Variants in SPIRE1 observed in about 807,000 individuals in gnomAD.
SPIRE1 encodes protein spire homolog 1.
In SPIRE1, 40 loss-of-function variants were observed where a neutral mutation model predicts 94.1. The observed-to-expected ratio is 0.43, with a 90% confidence interval of 0.33 to 0.55. SPIRE1 has a LOEUF of 0.55. Ranked by LOEUF, SPIRE1 falls within the 20% of genes least tolerant of loss-of-function variation. SPIRE1 has a pLI of 0.06. For synonymous variants in SPIRE1, 376 were observed against 371.7 expected (o/e 1.01, Z -0.13); for missense variants, 838 against 975.2 (o/e 0.86, Z 1.87).
In SPIRE1 at chr18:12,506,537, G is replaced by A; in HGVS notation, c.912C>T (p.Thr304=). ...YNPLPIEYQL[T]PYEMLMDDIR... ...TGTCATCCATTAACATCTCATAAGG[G>A]GTGAGCTGATATTCAATGGGCAAAG... Residue 304 remains threonine, a synonymous_variant, in exon 6 of 17, where the codon ACC becomes ACT. Coordinates refer to ENST00000409402, the MANE Select transcript of SPIRE1 (RefSeq NM_001128626.2). 1 of 1,613,882 alleles carries A rather than the reference G, an allele frequency of 6.2e-7. No homozygotes were observed. The highest frequency in any genetic ancestry group is 8.5e-7 in the Non-Finnish European group (1 of 1,179,858).
chr18:12,551,792 A>C (rs539808570), intron 2 of SPIRE1, among the ~76,000 whole-genome samples: 34 of 152,262 alleles, frequency 2.2e-4, no homozygotes, highest in African/African-American at 6.3e-4. Flanking sequence ...AGGAACACCA[A>C]ATTTAACAAC....
At chr18:12,655,371 G>C (rs1221495611) in intron 1 of SPIRE1, among the ~76,000 whole-genome samples, 6 of 152,216 alleles carry the variant, frequency 3.9e-5, no homozygotes. Context: ...AAAATCTTCA[G>C]AAGACTGTAT....
At chr18:12,471,952 T>C (rs776985255) in intron 10 of SPIRE1, among the ~76,000 whole-genome samples, 1 of 151,898 alleles carries the variant, frequency 6.6e-6, no homozygotes. Flanking sequence ...ACCGGGCTAA[T>C]TTTTCTCTTT....
chr18:12,509,945 T>C (rs1015017910), intron 5 of SPIRE1, among the ~76,000 whole-genome samples: 8 of 151,618 alleles, frequency 5.3e-5, no homozygotes, highest in East Asian at 3.9e-4. Context: ...ATTAGCTGGG[T>C]GTGGTGGTGC....
chr18:12,602,204 T>TA (rs2036854470), intron 2 of SPIRE1, among the ~76,000 whole-genome samples: 1 of 152,084 alleles, frequency 6.6e-6, no homozygotes, highest in East Asian at 1.9e-4. Flanking sequence ...GACAGCAACA[T>TA]AAGAGATCAG....
intron 2 of SPIRE1, among the ~76,000 whole-genome samples, chr18:12,555,625 C>A (rs751341611): frequency 2.0e-5 from 3 of 152,148 alleles, no homozygotes; most frequent in Admixed American, 6.5e-5. Flanking sequence ...AACATCCCTT[C>A]ATGATAAAAA....
At chr18:12,484,795 C>A (rs964468306) in intron 9 of SPIRE1, among the ~76,000 whole-genome samples, 2 of 152,106 alleles carry the variant, frequency 1.3e-5, no homozygotes, top group African/African-American at 2.4e-5. Context: ...AGGTGGCTTA[C>A]GCCTGTATTC....
chr18:12,450,624 T>C (rs1440681676), intron 16 of SPIRE1: 3 of 574,742 alleles, frequency 5.2e-6, no homozygotes, highest in East Asian at 3.0e-5. Context: ...AAGTCTAAAT[T>C]TGATGAAATG....
chr18:12,456,668 C>G (rs1416392805), intron 12 of SPIRE1, among the ~76,000 whole-genome samples: 1 of 152,154 alleles, frequency 6.6e-6, no homozygotes, highest in East Asian at 1.9e-4. Flanking sequence ...GTAAACCCTT[C>G]AGGCAGATGG....
chr18:12,620,462 C>T (rs2037434232), intron 2 of SPIRE1, among the ~76,000 whole-genome samples: 1 of 152,180 alleles, frequency 6.6e-6, no homozygotes, highest in Non-Finnish European at 1.5e-5. Context: ...CAACATGGCA[C>T]TGGCACAATA....
intron 12 of SPIRE1, among the ~76,000 whole-genome samples, chr18:12,457,121 G>A (rs764437709): frequency 5.3e-5 from 8 of 152,148 alleles, no homozygotes; most frequent in Admixed American, 2.0e-4. Context: ...ATGAGCAACC[G>A]CGCCTGGCCA....
intron 12 of SPIRE1, among the ~76,000 whole-genome samples, chr18:12,455,682 G>C (rs768600578): frequency 5.9e-5 from 9 of 152,142 alleles, no homozygotes; most frequent in Non-Finnish European, 1.3e-4. Flanking sequence ...GAACAGTCTT[G>C]TGCATTCGGA....
intron 3 of SPIRE1, 45 bp downstream of exon 3, chr18:12,546,629 A>T: frequency 1.4e-6 from 2 of 1,424,376 alleles, no homozygotes; most frequent in Non-Finnish European, 2.0e-6. Context: ...AAGAAGAAAT[A>T]ACAACTCTTG....
intron 2 of SPIRE1, among the ~76,000 whole-genome samples, chr18:12,619,743 G>A (rs1004480080): frequency 6.6e-6 from 1 of 151,298 alleles, no homozygotes; most frequent in Non-Finnish European, 1.5e-5. Flanking sequence ...CTACTCAGGA[G>A]GCTGAGGCAG....
intron 10 of SPIRE1, among the ~76,000 whole-genome samples, chr18:12,471,033 G>A (rs897058908): frequency 9.5e-5 from 14 of 147,546 alleles, no homozygotes; most frequent in Non-Finnish European, 2.1e-4. Flanking sequence ...GCAGGGCTCA[G>A]ACACAGCTCC....
chr18:12,639,534 C>T lies in SPIRE1; in HGVS notation c.338-4438G>A, dbSNP rs896161102. The stretch of plus-strand genomic sequence containing the variant: ...GGATCACGAGGTCAGGAGTTCAAGG[C>T]CAGCCTAGCCAAGATGGTGTAACCC... On this transcript the variant is annotated intron_variant, in intron 1 of 16. Coordinates refer to ENST00000409402, the MANE Select transcript of SPIRE1 (RefSeq NM_001128626.2). Among the ~76,000 whole-genome samples, 52 of 152,088 alleles carry T rather than the reference C, an allele frequency of 3.4e-4. 1 individual carries two copies. Among genetic ancestry groups the T allele is most frequent in the Admixed American group, 2.6e-4 (4 of 15,260 alleles).
chr18:12,501,283 G>C (rs1204691910), intron 6 of SPIRE1, among the ~76,000 whole-genome samples: 1 of 152,078 alleles, frequency 6.6e-6, no homozygotes, highest in African/African-American at 2.4e-5. Flanking sequence ...TAAGGGGAGA[G>C]AAGAATGGGA....
At chr18:12,536,309 A>G (rs2034839708) in intron 3 of SPIRE1, among the ~76,000 whole-genome samples, 1 of 152,214 alleles carries the variant, frequency 6.6e-6, no homozygotes, top group African/African-American at 2.4e-5. Context: ...TATATACAAC[A>G]TAATACCATT....
At chr18:12,475,546 G>C (rs144526266) in intron 10 of SPIRE1, among the ~76,000 whole-genome samples, 54 of 152,126 alleles carry the variant, frequency 3.5e-4, no homozygotes, top group African/African-American at 1.3e-3. Context: ...AAGAATAGGA[G>C]AAGAGTTTAA....
Sources: gnomAD v4.1 joint callset for allele counts (sites outside exome capture counted in the v4.1 genomes callset) on GRCh38, gnomAD v4.1.1 for gene constraint, MANE v1.5 for transcripts, NCBI Gene and HGNC (gene_info 2026-07-23, HGNC 2026-07-21) for gene names.